Variants in ZC3H12C observed in about 807,000 individuals in gnomAD.
The protein encoded by ZC3H12C is zinc finger CCCH-type containing 12C.
In ZC3H12C, 20 loss-of-function variants were observed where a neutral mutation model predicts 76.3. The observed-to-expected ratio is 0.26, with a 90% CI of 0.18 to 0.38. The LOEUF is 0.38. Ranked by LOEUF, ZC3H12C falls within the 10% of genes least tolerant of loss-of-function variation. ZC3H12C has a pLI of 1.00. For missense variants in ZC3H12C, 874 were observed against 1,086.5 expected (o/e 0.80, Z 2.75); for synonymous variants, 352 against 399.6 (o/e 0.88, Z 1.42).
At chr11:110,116,478 T>C (rs1861528165) in intron 1 of ZC3H12C, among the ~76,000 whole-genome samples, 1 of 152,210 alleles carries the variant, frequency 6.6e-6, no homozygotes, top group African/African-American at 2.4e-5. Context: ...ATTTTAACTC[T>C]AATGCATTTG....
intron 2 of ZC3H12C, among the ~76,000 whole-genome samples, chr11:110,150,091 G>C (rs998209562): frequency 6.6e-6 from 1 of 151,990 alleles, no homozygotes; most frequent in African/African-American, 2.4e-5. Context: ...AGTTGCCCTA[G>C]TACCATTTGC....
intron 2 of ZC3H12C, among the ~76,000 whole-genome samples, chr11:110,151,636 T>C (rs1238778573): frequency 1.3e-5 from 2 of 152,198 alleles, no homozygotes; most frequent in Non-Finnish European, 2.9e-5. Context: ...AAACCTAATA[T>C]CACTTTGTAC....
chr11:110,135,544 T>A (rs981837535), intron 1 of ZC3H12C, among the ~76,000 whole-genome samples: 4 of 144,622 alleles, frequency 2.8e-5, no homozygotes, highest in African/African-American at 1.0e-4. Context: ...GTTCTTACAA[T>A]GAAGCACCAG....
At chr11:110,154,412 C>T (rs1232087906) in intron 3 of ZC3H12C, among the ~76,000 whole-genome samples, 1 of 151,618 alleles carries the variant, frequency 6.6e-6, no homozygotes, top group Non-Finnish European at 1.5e-5. Context: ...ATTATTACAT[C>T]ATTGTTAAAT....
chr11:110,158,777 C>G (rs1862424331), intron 3 of ZC3H12C, among the ~76,000 whole-genome samples: 1 of 152,230 alleles, frequency 6.6e-6, no homozygotes, highest in Non-Finnish European at 1.5e-5. Flanking sequence ...TGGACAACTT[C>G]TACTTCCTTT....
intron 1 of ZC3H12C, chr11:110,131,679 T>A (rs1861869043): frequency 6.6e-6 from 1 of 152,384 alleles, no homozygotes; most frequent in Non-Finnish European, 1.5e-5. Context: ...TTACATTAGT[T>A]TCAGACATTA....
At chr11:110,100,457 TTTTTG>T (rs1284401886) in intron 1 of ZC3H12C, among the ~76,000 whole-genome samples, 2 of 152,218 alleles carry the variant, frequency 1.3e-5, no homozygotes, top group African/African-American at 4.8e-5. Flanking sequence ...TTTGGTTCTT[TTTTTG>T]TTTTGTTTTG....
At chr11:110,144,650 T>C (rs534387862) in intron 2 of ZC3H12C, among the ~76,000 whole-genome samples, 42 of 152,326 alleles carry the variant, frequency 2.8e-4, no homozygotes, top group African/African-American at 1.0e-3. Context: ...TTATATAAGT[T>C]TTAGAAATAA....
intron 1 of ZC3H12C, among the ~76,000 whole-genome samples, chr11:110,121,540 A>G (rs906389433): frequency 6.6e-6 from 1 of 152,230 alleles, no homozygotes; most frequent in African/African-American, 2.4e-5. Context: ...AACTCTAAAG[A>G]AAAGTTTTGT....
intron 1 of ZC3H12C, among the ~76,000 whole-genome samples, chr11:110,104,361 G>A (rs1019110158): frequency 1.3e-5 from 2 of 152,102 alleles, no homozygotes; most frequent in Non-Finnish European, 2.9e-5. Context: ...ACCGCACCTG[G>A]CCGGAACCAA....
At chr11:110,122,487 C>T (rs1861668096) in intron 1 of ZC3H12C, among the ~76,000 whole-genome samples, 1 of 152,070 alleles carries the variant, frequency 6.6e-6, no homozygotes, top group Admixed American at 6.5e-5. Context: ...AGGATATGTT[C>T]CACCACCCAC....
chr11:110,137,937 GA>G (rs923093850), intron 2 of ZC3H12C, among the ~76,000 whole-genome samples: 35 of 151,326 alleles, frequency 2.3e-4, no homozygotes, highest in Admixed American at 5.9e-4. Flanking sequence ...GAACTGGGGG[GA>G]AAAAAAAGCA....
At chr11:110,111,092 G>A (rs543638541) in intron 1 of ZC3H12C, among the ~76,000 whole-genome samples, 6 of 152,272 alleles carry the variant, frequency 3.9e-5, no homozygotes, top group African/African-American at 1.2e-4. Context: ...TGTGGCAGGT[G>A]GAGAAGGCAC....
chr11:110,145,480 A>G (rs539707674), intron 2 of ZC3H12C, among the ~76,000 whole-genome samples: 24 of 152,312 alleles, frequency 1.6e-4, no homozygotes, highest in East Asian at 1.9e-4. Context: ...ATTTTTGGAT[A>G]GAGGTAATGA....
chr11:110,107,530 TTTG>T (rs959697811), intron 1 of ZC3H12C, among the ~76,000 whole-genome samples: 2 of 152,044 alleles, frequency 1.3e-5, no homozygotes, highest in Non-Finnish European at 2.9e-5. Flanking sequence ...TTCCTTTTTT[TTTG>T]TTTTTTTTTA....
At chr11:110,134,272 C>A (rs1317698742) in intron 1 of ZC3H12C, among the ~76,000 whole-genome samples, 1 of 152,088 alleles carries the variant, frequency 6.6e-6, no homozygotes, top group African/African-American at 2.4e-5. Context: ...ACCAGACGCA[C>A]TTAAGTCCCA....
intron 1 of ZC3H12C, 99 bp from the exon 2 acceptor site, chr11:110,136,564 A>G: frequency 7.7e-7 from 1 of 1,303,022 alleles, no homozygotes; most frequent in Non-Finnish European, 1.1e-6. Context: ...CAAAATACAA[A>G]GTATTTTGAG....
At chr11:110,094,019 T>C (rs1861066782) in intron 1 of ZC3H12C, among the ~76,000 whole-genome samples, 1 of 152,138 alleles carries the variant, frequency 6.6e-6, no homozygotes, top group Non-Finnish European at 1.5e-5. Flanking sequence ...TTTTACACGC[T>C]GCGTTCATTT....
intron 1 of ZC3H12C, among the ~76,000 whole-genome samples, chr11:110,102,387 A>G (rs1355604960): frequency 6.6e-6 from 1 of 151,698 alleles, no homozygotes. Context: ...AATGGAGGAA[A>G]TCACTGCAAA....
Sources: allele counts gnomAD v4.1 joint callset (sites outside exome capture counted in the v4.1 genomes callset), GRCh38; gene constraint gnomAD v4.1.1; transcripts MANE v1.5; gene names NCBI Gene and HGNC (gene_info 2026-07-23, HGNC 2026-07-21).